The following NTM variants were observed in gnomAD, a reference collection of about 807,000 sequenced individuals.
The protein encoded by NTM is neurotrimin.
A neutral mutation model predicts 42.1 loss-of-function variants in NTM; 13 were observed. The observed-to-expected ratio is 0.31, with a 90% CI of 0.20 to 0.49. The LOEUF (loss-of-function observed/expected upper bound fraction) is 0.49, where lower values mean the gene tolerates loss of function less well. Among genes scored for constraint, NTM ranks in the 20% least tolerant of loss-of-function variants. The pLI is 0.99. For synonymous variants in NTM, 187 were observed against 179.2 expected, an observed-to-expected ratio of 1.04 and a Z score of -0.35; for missense variants, 373 against 452.8, an observed-to-expected ratio of 0.82 and a Z score of 1.60.
chr11:131,382,161 A>G (rs1232438118), intron 1 of NTM, among the ~76,000 whole-genome samples: 1 of 152,166 alleles, frequency 6.6e-6, no homozygotes, highest in Non-Finnish European at 1.5e-5. Context: ...ATGGGATACA[A>G]GCATAAGATG....
intron 1 of NTM, among the ~76,000 whole-genome samples, chr11:131,683,587 C>G (rs1415050986): frequency 1.3e-5 from 2 of 152,184 alleles, no homozygotes; most frequent in Non-Finnish European, 2.9e-5. Context: ...CTGGATGTGT[C>G]CGAGGTTCAC....
chr11:131,901,730 T>C (rs1182453006), intron 1 of NTM, among the ~76,000 whole-genome samples: 18 of 152,338 alleles, frequency 1.2e-4, no homozygotes, highest in Admixed American at 1.0e-3. Context: ...GTCAAAACTG[T>C]TGTGAAAGCC....
At position 132,335,728 on chromosome 11, in the gene NTM, AC is replaced by A. The variant is rs1015336704; in HGVS notation, c.*583del. On this transcript the variant is annotated 3_prime_UTR_variant, in exon 9 of 9. Transcript: ENST00000683400. ...AACAAGTCACAAAAGATACCGTTAA[AC>A]TTTTTTTTTTTTTTATCATTTTACT... is the stretch of plus-strand genomic sequence containing the variant. The A allele has an allele frequency of 1.9e-4, 28 of 148,036 alleles. No homozygotes were observed. The highest frequency in any genetic ancestry group is 7.0e-4 in the African/African-American group (27 of 38,338). The allele number at this position is 148,036 out of a possible 1,614,324, so 9.2% of individuals were successfully genotyped here.
At chr11:131,789,792 T>G (rs1483547241) in intron 1 of NTM, among the ~76,000 whole-genome samples, 5 of 94,416 alleles carry the variant, frequency 5.3e-5, no homozygotes, top group African/African-American at 2.0e-4. Context: ...CCGTCTCTAC[T>G]AAAAATACAA....
At chr11:131,696,641 C>T (rs751483029) in intron 1 of NTM, among the ~76,000 whole-genome samples, 1 of 152,212 alleles carries the variant, frequency 6.6e-6, no homozygotes, top group Non-Finnish European at 1.5e-5. Context: ...TGATACTGCT[C>T]TCCTAATGTG....
chr11:131,769,333 T>C (rs774287163), intron 1 of NTM, among the ~76,000 whole-genome samples: 1 of 152,150 alleles, frequency 6.6e-6, no homozygotes, highest in African/African-American at 2.4e-5. Flanking sequence ...CTGAAGCTAC[T>C]CTTTCAATTA....
chr11:132,277,462 T>G (rs1345795375), intron 4 of NTM, among the ~76,000 whole-genome samples: 1 of 152,200 alleles, frequency 6.6e-6, no homozygotes, highest in East Asian at 1.9e-4. Context: ...TCTAAAAACC[T>G]ACTTGATACC....
intron 2 of NTM, among the ~76,000 whole-genome samples, chr11:132,119,154 G>A (rs1015347010): frequency 1.3e-5 from 2 of 152,186 alleles, no homozygotes; most frequent in African/African-American, 4.8e-5. Context: ...TGTGTCTGGA[G>A]CTTATTCCCA....
intron 1 of NTM, among the ~76,000 whole-genome samples, chr11:131,464,961 C>A (rs140911466): frequency 3.7e-4 from 56 of 152,296 alleles, no homozygotes; most frequent in African/African-American, 1.3e-3. Flanking sequence ...GGAGTGGAGG[C>A]CATTAAAGCC....
At chr11:131,570,216 C>T (rs1486774500) in intron 1 of NTM, among the ~76,000 whole-genome samples, 1 of 152,194 alleles carries the variant, frequency 6.6e-6, no homozygotes, top group Non-Finnish European at 1.5e-5. Flanking sequence ...CAGAGGCCTT[C>T]ATTCAGTTCA....
chr11:131,781,293 G>T (rs967335243), intron 1 of NTM, among the ~76,000 whole-genome samples: 8 of 151,826 alleles, frequency 5.3e-5, no homozygotes, highest in African/African-American at 1.9e-4. Flanking sequence ...AAAAATTAAT[G>T]TAGAAAGCAT....
chr11:131,745,922 A>C (rs566159503), intron 1 of NTM, among the ~76,000 whole-genome samples: 2 of 152,280 alleles, frequency 1.3e-5, no homozygotes, highest in South Asian at 4.1e-4. Flanking sequence ...TCACCGAAAG[A>C]AGCATTTCAA....
At chr11:131,552,188 G>C (rs1245632169) in intron 1 of NTM, among the ~76,000 whole-genome samples, 2 of 152,162 alleles carry the variant, frequency 1.3e-5, no homozygotes, top group Non-Finnish European at 2.9e-5. Flanking sequence ...GAGGAAAAGA[G>C]AGAGAGAGGA....
intron 1 of NTM, among the ~76,000 whole-genome samples, chr11:131,809,701 C>T (rs909932696): frequency 6.6e-6 from 1 of 152,200 alleles, no homozygotes; most frequent in Non-Finnish European, 1.5e-5. Context: ...AGGCAGCTGT[C>T]GTCTGGTGAC....
At chr11:131,943,246 C>A (rs1343862563) in intron 2 of NTM, among the ~76,000 whole-genome samples, 5 of 152,198 alleles carry the variant, frequency 3.3e-5, no homozygotes, top group Admixed American at 2.0e-4. Flanking sequence ...TCTCTTGCTA[C>A]CATGCCCCTT....
intron 1 of NTM, among the ~76,000 whole-genome samples, chr11:131,605,249 T>C (rs2060845861): frequency 6.6e-6 from 1 of 152,240 alleles, no homozygotes; most frequent in Non-Finnish European, 1.5e-5. Flanking sequence ...TTTATAGTTT[T>C]CAGAGTGGAA....
chr11:131,803,129 C>T (rs2092265243), intron 1 of NTM, among the ~76,000 whole-genome samples: 1 of 150,814 alleles, frequency 6.6e-6, no homozygotes, highest in South Asian at 2.1e-4. Flanking sequence ...GGCAGGAGGT[C>T]ATCCTCATTC....
At chr11:131,645,309 C>T (rs1012068446) in intron 1 of NTM, among the ~76,000 whole-genome samples, 4 of 152,162 alleles carry the variant, frequency 2.6e-5, no homozygotes, top group African/African-American at 9.7e-5. Flanking sequence ...TAAGAGGGGT[C>T]TCCTTTCTCC....
chr11:131,502,961 G>A (rs1472751739), intron 1 of NTM: 1 of 152,234 alleles, frequency 6.6e-6, no homozygotes, highest in Admixed American at 6.5e-5. Flanking sequence ...ATCCTCACTG[G>A]ATTCTGTTCA....
Sources: allele counts gnomAD v4.1 joint callset (sites outside exome capture counted in the v4.1 genomes callset), GRCh38; gene constraint gnomAD v4.1.1; transcripts MANE v1.5; gene names NCBI Gene and HGNC (gene_info 2026-07-23, HGNC 2026-07-21).